Variants in SLIT2 observed in about 807,000 individuals in gnomAD.
SLIT2 encodes the protein slit homolog 2 protein.
Under a neutral mutation model 185.7 loss-of-function variants are expected in SLIT2, and 41 were observed. That is an observed-to-expected ratio of 0.22 (90% CI 0.17 to 0.29). The LOEUF (loss-of-function observed/expected upper bound fraction) is 0.29, where lower values mean the gene tolerates loss of function less well. Ranked by LOEUF, SLIT2 falls within the 10% of genes least tolerant of loss-of-function variation. SLIT2 has a pLI of 1.00. For synonymous variants in SLIT2, 693 were observed against 680.2 expected, an observed-to-expected ratio of 1.02 and a Z score of -0.29; for missense variants, 1,571 against 1,909.0, an observed-to-expected ratio of 0.82 and a Z score of 3.30.
chr4:20,329,158 A>G (rs1719854302), intron 4 of SLIT2, among the ~76,000 whole-genome samples: 1 of 151,968 alleles, frequency 6.6e-6, no homozygotes, highest in African/African-American at 2.4e-5. Context: ...TTCACTATAT[A>G]TTATAGGGTA....
chr4:20,592,743 T>A (rs928372235), intron 30 of SLIT2, among the ~76,000 whole-genome samples: 2 of 152,156 alleles, frequency 1.3e-5, no homozygotes, highest in African/African-American at 4.8e-5. Context: ...TTGATGGAAG[T>A]TCTCTTCTCG....
intron 4 of SLIT2, among the ~76,000 whole-genome samples, chr4:20,413,693 TTC>T (rs1727433919): frequency 6.6e-6 from 1 of 152,118 alleles, no homozygotes; most frequent in Non-Finnish European, 1.5e-5. Flanking sequence ...TGAAATATAC[TTC>T]TTTTTCTATT....
intron 5 of SLIT2, among the ~76,000 whole-genome samples, chr4:20,468,853 T>C (rs1331468604): frequency 6.6e-6 from 1 of 150,826 alleles, no homozygotes; most frequent in African/African-American, 2.5e-5. Context: ...CCAATGCCTT[T>C]TTTTTTTTTT....
At chr4:20,522,461 C>T (rs1327277171) in intron 12 of SLIT2, among the ~76,000 whole-genome samples, 1 of 152,052 alleles carries the variant, frequency 6.6e-6, no homozygotes, top group Non-Finnish European at 1.5e-5. Context: ...CTGCATAAAA[C>T]AGTTGACAAG....
Position 20,577,451 on chromosome 4 carries a change from G to A in SLIT2, c.3088+8447G>A, listed in dbSNP as rs193071998. Among the ~76,000 whole-genome samples, 29 of 152,168 alleles carry A rather than the reference G, an allele frequency of 1.9e-4. No individual in the cohort carries two copies. In the East Asian group the frequency reaches 5.6e-3, roughly 29 times the overall value. On this transcript the variant is annotated intron_variant, in intron 29 of 36. Transcript: ENST00000504154. ...CAGGGTTTCTCTATGGCAGCATTCC[G>A]ATTATGTACGTGTCCCATTTTGCAC... is the stretch of plus-strand genomic sequence containing the variant.
chr4:20,477,812 A>G (rs1716277159), intron 5 of SLIT2, among the ~76,000 whole-genome samples: 1 of 152,200 alleles, frequency 6.6e-6, no homozygotes, highest in Non-Finnish European at 1.5e-5. Flanking sequence ...TGAAGAAGTG[A>G]AAAAGTCTCC....
Position 20,525,162 on chromosome 4 carries a change from T to C in SLIT2, c.1452T>C (p.Tyr484=), listed in dbSNP as rs1296293985. Reference sequence around the variant, plus strand: ...TTTTTTATTTAGCTAAAGAACAGTATTTCATTCCAGGTAGGTTTTGCTCGG... The same window carrying C: ...TTTTTTATTTAGCTAAAGAACAGTACTTCATTCCAGGTAGGTTTTGCTCGG... ...KKFRCSAKEQ[Y]FIPGTEDYRS... Residue 484 remains tyrosine (Y), a synonymous_variant, in exon 15 of 37, where the codon TAT becomes TAC. Transcript: ENST00000504154. The C allele has an allele frequency of 6.2e-7, 1 of 1,609,254 alleles. No homozygotes were observed. The highest frequency in any genetic ancestry group is 2.2e-5 in the East Asian group (1 of 44,778).
chr4:20,360,683 A>G (rs1014256613), intron 4 of SLIT2, among the ~76,000 whole-genome samples: 5 of 152,158 alleles, frequency 3.3e-5, no homozygotes, highest in African/African-American at 1.2e-4. Flanking sequence ...TTAAATTAAA[A>G]CCAGGATTTG....
At chr4:20,325,805 G>T (rs1178935972) in intron 4 of SLIT2, among the ~76,000 whole-genome samples, 3 of 152,142 alleles carry the variant, frequency 2.0e-5, no homozygotes, top group South Asian at 2.1e-4. Context: ...TGAGTTCAAA[G>T]CTAGGAAAGA....
At chr4:20,411,259 G>T (rs1727240083) in intron 4 of SLIT2, among the ~76,000 whole-genome samples, 1 of 152,088 alleles carries the variant, frequency 6.6e-6, no homozygotes, top group Non-Finnish European at 1.5e-5. Context: ...CAGCTTCTAT[G>T]TACCTTTAAT....
intron 4 of SLIT2, among the ~76,000 whole-genome samples, chr4:20,361,524 G>A (rs1323012659): frequency 6.6e-6 from 1 of 152,106 alleles, no homozygotes; most frequent in East Asian, 1.9e-4. Flanking sequence ...TAGTGATGAA[G>A]TAGCAGTGCA....
chr4:20,509,926 C>A (rs1167386909), intron 9 of SLIT2, among the ~76,000 whole-genome samples: 2 of 152,140 alleles, frequency 1.3e-5, no homozygotes. Flanking sequence ...AGAGTCTAGA[C>A]TGTCTTACTG....
At chr4:20,580,875 A>G (rs1726505050) in intron 29 of SLIT2, among the ~76,000 whole-genome samples, 1 of 152,206 alleles carries the variant, frequency 6.6e-6, no homozygotes, top group African/African-American at 2.4e-5. Context: ...GGAGAAGCTT[A>G]TAGTCCTAAA....
At chr4:20,272,595 A>G (rs1226599460) in intron 4 of SLIT2, among the ~76,000 whole-genome samples, 1 of 152,096 alleles carries the variant, frequency 6.6e-6, no homozygotes, top group Non-Finnish European at 1.5e-5. Context: ...GAGGAATTTC[A>G]TTGGTAGTAC....
intron 20 of SLIT2, among the ~76,000 whole-genome samples, chr4:20,542,063 T>A (rs1722842053): frequency 6.6e-6 from 1 of 152,152 alleles, no homozygotes; most frequent in Non-Finnish European, 1.5e-5. Flanking sequence ...ATAGAACAAG[T>A]TCTATTATTA....
intron 4 of SLIT2, among the ~76,000 whole-genome samples, chr4:20,290,095 A>C (rs567168673): frequency 1.3e-5 from 2 of 152,188 alleles, no homozygotes; most frequent in East Asian, 3.9e-4. Flanking sequence ...ACACCTGGCC[A>C]TTCTCCCATA....
At chr4:20,507,239 T>G (rs1188613093) in intron 9 of SLIT2, among the ~76,000 whole-genome samples, 3 of 152,006 alleles carry the variant, frequency 2.0e-5, no homozygotes, top group African/African-American at 7.2e-5. Flanking sequence ...ATTGTATAAT[T>G]TGGGTTTTTT....
chr4:20,458,249 G>C (rs1017577936), intron 4 of SLIT2, among the ~76,000 whole-genome samples: 7 of 152,050 alleles, frequency 4.6e-5, no homozygotes, highest in African/African-American at 1.7e-4. Context: ...TTCTTATCCA[G>C]CTCTCTCCTT....
chr4:20,279,537 T>G (rs562789835), intron 4 of SLIT2, among the ~76,000 whole-genome samples: 4 of 152,142 alleles, frequency 2.6e-5, no homozygotes, highest in Admixed American at 2.6e-4. Flanking sequence ...CATTATAATG[T>G]GGTACAGATG....
Sources: allele counts gnomAD v4.1 joint callset (sites outside exome capture counted in the v4.1 genomes callset), GRCh38; gene constraint gnomAD v4.1.1; transcripts MANE v1.5; gene names NCBI Gene and HGNC (gene_info 2026-07-23, HGNC 2026-07-21).